Variants in PLEKHG1 observed in about 807,000 individuals in gnomAD.
PLEKHG1 encodes the protein pleckstrin homology and RhoGEF domain containing G1.
PLEKHG1 carries 44 observed loss-of-function variants against 100.8 expected under a neutral mutation model. The observed-to-expected ratio is 0.44, with a 90% CI of 0.34 to 0.56. PLEKHG1 has a LOEUF of 0.56. Ranked by LOEUF, PLEKHG1 falls within the 20% of genes least tolerant of loss-of-function variation. The pLI, the probability that PLEKHG1 is intolerant of heterozygous loss-of-function variation, is 0.01. For missense variants in PLEKHG1, 1,545 were observed against 1,720.9 expected, an observed-to-expected ratio of 0.90 and a Z score of 1.81; for synonymous variants, 640 against 662.5, an observed-to-expected ratio of 0.97 and a Z score of 0.52.
intron 1 of PLEKHG1, 141 bp from the exon 3 acceptor site, chr6:150,733,443 C>T (rs1358988625): frequency 1.5e-6 from 1 of 653,156 alleles, no homozygotes; most frequent in African/African-American, 1.8e-5. Flanking sequence ...CTCACTCCAC[C>T]ACAGGTACCT....
chr6:150,778,371 G>A (rs991041925), intron 3 of PLEKHG1, among the ~76,000 whole-genome samples: 3 of 151,948 alleles, frequency 2.0e-5, no homozygotes, highest in Non-Finnish European at 2.9e-5. Context: ...CAGGTGATCC[G>A]CCCGCCTCAG....
intron 6 of PLEKHG1, 60 bp downstream of exon 7, chr6:150,800,929 A>T: frequency 7.0e-7 from 1 of 1,424,468 alleles, no homozygotes; most frequent in Non-Finnish European, 9.8e-7. Context: ...TGTATATATT[A>T]AGTTTGGTGG....
intron 3 of PLEKHG1, among the ~76,000 whole-genome samples, chr6:150,692,083 A>T (rs552700290): frequency 6.6e-6 from 1 of 152,324 alleles, no homozygotes; most frequent in South Asian, 2.1e-4. Flanking sequence ...GTCACTTTTT[A>T]TATGGGGTGA....
intron 1 of PLEKHG1, among the ~76,000 whole-genome samples, chr6:150,621,435 C>A (rs1777296576): frequency 6.6e-6 from 1 of 150,478 alleles, no homozygotes; most frequent in Non-Finnish European, 1.5e-5. Flanking sequence ...AATACAGTGG[C>A]ACAATCTCGG....
chr6:150,650,869 A>G (rs1048431752), intron 3 of PLEKHG1, 83 bp downstream of exon 2: 4 of 152,114 alleles, frequency 2.6e-5, no homozygotes, highest in Non-Finnish European at 5.9e-5. Flanking sequence ...GTTTGTTAGT[A>G]TTTTTGTATA....
chr6:150,784,874 T>C (rs1439908674), intron 3 of PLEKHG1, among the ~76,000 whole-genome samples: 4 of 152,146 alleles, frequency 2.6e-5, no homozygotes, highest in Non-Finnish European at 5.9e-5. Context: ...TTACATAGTC[T>C]TAAAGATGTA....
At chr6:150,750,569 A>G (rs917941403) in intron 2 of PLEKHG1, among the ~76,000 whole-genome samples, 1 of 151,994 alleles carries the variant, frequency 6.6e-6, no homozygotes, top group Non-Finnish European at 1.5e-5. Flanking sequence ...TCACGAGGTC[A>G]GGAGATCGAG....
intron 1 of PLEKHG1, among the ~76,000 whole-genome samples, chr6:150,637,390 G>GTT (rs1011910142): frequency 4.2e-5 from 6 of 144,552 alleles, no homozygotes; most frequent in South Asian, 2.2e-4. Context: ...TTGTTTTTGG[G>GTT]TTTTTTTTTT....
chr6:150,769,309 T>C (rs1051077081), intron 3 of PLEKHG1, among the ~76,000 whole-genome samples: 3 of 152,022 alleles, frequency 2.0e-5, no homozygotes, highest in Admixed American at 6.6e-5. Context: ...GGGCCAGACA[T>C]GGTGGCTCAC....
At chr6:150,649,750 G>A (rs1778640662) in intron 2 of PLEKHG1, among the ~76,000 whole-genome samples, 1 of 152,122 alleles carries the variant, frequency 6.6e-6, no homozygotes, top group South Asian at 2.1e-4. Context: ...GGTGGCTCAT[G>A]GCTGTAATCC....
At chr6:150,612,751 T>C (rs149790462) in intron 1 of PLEKHG1, among the ~76,000 whole-genome samples, 1 of 152,176 alleles carries the variant, frequency 6.6e-6, no homozygotes, top group African/African-American at 2.4e-5. Flanking sequence ...TTGTTTCTCA[T>C]ACCTCAGGTC....
chr6:150,829,369 T>G (rs555862665), intron 14 of PLEKHG1, among the ~76,000 whole-genome samples: 1 of 152,352 alleles, frequency 6.6e-6, no homozygotes, highest in Admixed American at 6.5e-5. Context: ...ATCCTAGCAC[T>G]TTGGGAGGCC....
intron 3 of PLEKHG1, among the ~76,000 whole-genome samples, chr6:150,674,632 C>CCTCTCTCTCTCTCTCTCT (rs756355880): frequency 2.0e-4 from 13 of 66,326 alleles, no homozygotes; most frequent in Admixed American, 3.8e-4. Context: ...CTCTCTCCTC[C>CCTCTCTCTCTCTCTCTCT]CTCTCTCTCT....
chr6:150,607,100 A>G lies in PLEKHG1; in HGVS notation c.-204+7083A>G, dbSNP rs147696669. 6.9e-3 allele frequency among the ~76,000 whole-genome samples: 1,043 copies of G among 152,148 alleles called. 7 individuals carry two copies. The highest frequency in any genetic ancestry group is 0.024 in the African/African-American group (990 of 41,494). ...TAAGAATTCTTCAGAACGGACACCAACTCTGGCTGAAATTGGAGTCTTTGG... is the reference window on the plus strand; with the variant it reads ...TAAGAATTCTTCAGAACGGACACCAGCTCTGGCTGAAATTGGAGTCTTTGG... On this transcript the variant is annotated intron_variant, in intron 1 of 3. Coordinates refer to the PLEKHG1 transcript ENST00000367326.
intron 2 of PLEKHG1, among the ~76,000 whole-genome samples, chr6:150,749,274 T>C (rs1289254647): frequency 6.6e-6 from 1 of 152,164 alleles, no homozygotes; most frequent in African/African-American, 2.4e-5. Flanking sequence ...ACATACTTGA[T>C]TGCCCAGTTG....
intron 1 of PLEKHG1, among the ~76,000 whole-genome samples, chr6:150,627,167 A>G (rs549253670): frequency 6.6e-6 from 1 of 152,378 alleles, no homozygotes; most frequent in East Asian, 1.9e-4. Context: ...CAAATTCTGG[A>G]CAAAATATTT....
intron 1 of PLEKHG1, among the ~76,000 whole-genome samples, chr6:150,729,469 G>T (rs1782133496): frequency 1.3e-5 from 2 of 152,192 alleles, no homozygotes; most frequent in African/African-American, 4.8e-5. Context: ...ATTAGAATAG[G>T]CCAGACAGGG....
intron 3 of PLEKHG1, among the ~76,000 whole-genome samples, chr6:150,653,977 T>C (rs1203716014): frequency 3.3e-5 from 5 of 152,228 alleles, no homozygotes. Flanking sequence ...ACATGACTAA[T>C]TTATTCGGTA....
chr6:150,808,981 G>T, intron 7 of PLEKHG1, 124 bp from the exon 9 acceptor site: 1 of 694,636 alleles, frequency 1.4e-6, no homozygotes, highest in Non-Finnish European at 2.5e-6. Context: ...CAGATACCAC[G>T]TAGATAGTTA....
Sources: allele counts gnomAD v4.1 joint callset (sites outside exome capture counted in the v4.1 genomes callset), GRCh38; gene constraint gnomAD v4.1.1; transcripts MANE v1.5; gene names NCBI Gene and HGNC (gene_info 2026-07-23, HGNC 2026-07-21).